The following SPSB3 variants were observed in gnomAD, a reference collection of about 807,000 sequenced individuals.
The protein encoded by SPSB3 is splA/ryanodine receptor domain and SOCS box containing 3, also known as SPRY domain-containing SOCS box protein 3.
A neutral mutation model predicts 29.5 loss-of-function variants in SPSB3; 18 were observed. That is an observed-to-expected ratio of 0.61 (90% CI 0.42 to 0.91). The LOEUF (loss-of-function observed/expected upper bound fraction) is 0.91. Ranked by LOEUF, SPSB3 falls within the 40% of genes least tolerant of loss-of-function variation. The probability of loss-of-function intolerance (pLI) is 0.00; values close to 1 mark genes in which losing one functional copy is unlikely to be tolerated. For missense variants in SPSB3, 540 were observed against 507.5 expected (o/e 1.06, Z -0.61); for synonymous variants, 299 against 214.1 (o/e 1.40, Z -3.46).
At chr16:1,781,081 C>T (rs375492515) in intron 2 of SPSB3, 1 of 1,242,308 alleles carries the variant, frequency 8.0e-7, no homozygotes, top group Non-Finnish European at 1.1e-6. Context: ...CTGCCAACCT[C>T]TCCATGCACC....
At chr16:1,778,988 C>A (rs1012698223) in intron 2 of SPSB3, 1 of 194,288 alleles carries the variant, frequency 5.1e-6, no homozygotes, top group Non-Finnish European at 1.0e-5. Flanking sequence ...CCACCACCCC[C>A]ACACCAGGCC....
In SPSB3 at chr16:1,777,089, G is replaced by T. The variant is rs1172938002; in HGVS notation, c.*8C>A. 2 of 1,608,840 alleles carry T rather than the reference G, an allele frequency of 1.2e-6. No homozygotes were observed. The highest frequency in any genetic ancestry group is 4.5e-5 in the East Asian group (2 of 44,818). On this transcript the variant is annotated 3_prime_UTR_variant, in exon 7 of 7. Coordinates refer to ENST00000566339, the MANE Select transcript of SPSB3 (RefSeq NM_080861.4). Reference sequence around the variant, plus strand: ...CAGCCCAAGAAGGCAGTTCCACTGGGAAGTCAGTCAGGTCCGGCGGCAGCG... The same window carrying T: ...CAGCCCAAGAAGGCAGTTCCACTGGTAAGTCAGTCAGGTCCGGCGGCAGCG...
rs150183733 is a variant in SPSB3 at position 1,777,853 on chromosome 16, G to A, written c.615C>T (p.Gly205=). 630 of 1,612,608 alleles carry A rather than the reference G, an allele frequency of 3.9e-4. 1 individual carries two copies. The African/African-American group carries it at 6.0e-3, about 15-fold the overall frequency. Residue 205 remains glycine, a synonymous_variant, in exon 6 of 7, where the codon GGC becomes GGT. Coordinates refer to ENST00000566339, the MANE Select transcript of SPSB3 (RefSeq NM_080861.4). ...LSYTGLLHHK[G]DKTSFSSRFG... is the part of the protein sequence containing the mutation. Reference sequence around the variant, plus strand: ...ACCGCGATGAGAAGCTGGTCTTGTCGCCCTTGTGGTGGAGGAGGCCTGGGG... The same window carrying A: ...ACCGCGATGAGAAGCTGGTCTTGTCACCCTTGTGGTGGAGGAGGCCTGGGG...
In SPSB3 at chr16:1,777,397, C is replaced by T; in HGVS notation, c.768G>A (p.Val256=). 1 of 1,584,918 alleles carries T rather than the reference C, an allele frequency of 6.3e-7. No individual in the cohort carries two copies. Among genetic ancestry groups the T allele is most frequent in the Non-Finnish European group, 8.6e-7 (1 of 1,168,576 alleles). The change falls in exon 7 of 7, where the codon GTG becomes GTA. Residue 256 remains valine (V), a synonymous_variant. Coordinates refer to ENST00000566339, the MANE Select transcript of SPSB3 (RefSeq NM_080861.4). ...KLQNKRFYPM[V]CSTAARSSMK... is the part of the protein sequence containing the mutation. ...TGCTGCTCCGGGCCGCCGTGGAGCA[C>T]ACCATCGGGTAGAATCTCTTGTTCT...
intron 1 of SPSB3, chr16:1,781,882 G>A (rs1481127421): frequency 8.8e-6 from 2 of 226,486 alleles, no homozygotes; most frequent in East Asian, 1.3e-4. Context: ...CAGAAGCACC[G>A]TGACCGCTCC....
At position 1,780,887 on chromosome 16, in the gene SPSB3, C is replaced by T. The variant is rs1225817289; in HGVS notation, c.126+471G>A. ...CGTTGGGACTACAGGCACGTGCCACCACGCCTGACACATTTTTTAAATTTT... is the reference window on the plus strand; with the variant it reads ...CGTTGGGACTACAGGCACGTGCCACTACGCCTGACACATTTTTTAAATTTT... On this transcript the variant is annotated intron_variant, in intron 2 of 6. Transcript: ENST00000566339. The T allele has an allele frequency of 3.6e-5, 12 of 332,360 alleles. 1 individual carries two copies. The highest frequency in any genetic ancestry group is 5.3e-5 in the Non-Finnish European group (9 of 169,450). The allele number at this position is 332,360 out of a possible 1,614,324, so 20.6% of individuals were successfully genotyped here. A position where few individuals can be genotyped will look rare whatever the true frequency, so the allele number is the denominator to read the frequency against.
rs1160347826 is a variant in SPSB3 at position 1,777,182 on chromosome 16, A to G, written c.983T>C (p.Val328Ala). 6.2e-7 allele frequency: 1 copy of G among 1,610,938 alleles called. No homozygotes were observed. Among genetic ancestry groups the G allele is most frequent in the Admixed American group, 1.7e-5 (1 of 60,020 alleles). ...SMSCSRRKAP[V>A]SDPQAATSAH... ...GGAGGTCGCTGCCTGGGGATCGGACACTGGAGCCTTGCGGCGGCTGCAACT... is the reference window on the plus strand; with the variant it reads ...GGAGGTCGCTGCCTGGGGATCGGACGCTGGAGCCTTGCGGCGGCTGCAACT... Residue 328 changes from valine to alanine, a missense_variant, in exon 7 of 7, where the codon GTG becomes GCG. Physicochemically the swap from Val to Ala is moderately conservative, Grantham distance 64 (BLOSUM62 0). Coordinates refer to ENST00000566339, the MANE Select transcript of SPSB3 (RefSeq NM_080861.4).
Position 1,780,917 on chromosome 16 carries a change from G to C in SPSB3, c.126+441C>G, listed in dbSNP as rs1005381353. 12 of 331,748 alleles carry C rather than the reference G, an allele frequency of 3.6e-5. No individual in the cohort carries two copies. In the East Asian group the frequency reaches 8.2e-4, roughly 23 times the overall value. 20.6% of individuals were successfully genotyped at this position (331,748 alleles called of 1,614,324 possible). On this transcript the variant is annotated intron_variant, in intron 2 of 6. Coordinates refer to ENST00000566339, the MANE Select transcript of SPSB3 (RefSeq NM_080861.4). ...CTGACACATTTTTTAAATTTTTGTA[G>C]AGACAGTGTTTCACCATGTTGCCCA...
chr16:1,781,307 G>T, intron 2 of SPSB3, 51 bp downstream of exon 2: 1 of 1,612,630 alleles, frequency 6.2e-7, no homozygotes, highest in South Asian at 1.1e-5. Context: ...CCTGCCTAGG[G>T]CATCTCCACA....
At chr16:1,780,486 A>T (rs994385043) in intron 2 of SPSB3, 8 of 152,444 alleles carry the variant, frequency 5.2e-5, no homozygotes, top group African/African-American at 1.9e-4. Context: ...AGCATGTCAG[A>T]TCACCTGGGC....
Position 1,782,528 on chromosome 16 carries a change from G to A in SPSB3, c.-39C>T, listed in dbSNP as rs2272974. 8.0e-3 allele frequency: 1,226 copies of A among 153,466 alleles called. 46 individuals carry two copies. In the East Asian group the frequency reaches 0.12, roughly 15 times the overall value. 9.5% of individuals were successfully genotyped at this position (153,466 alleles called of 1,614,324 possible). A position where few individuals can be genotyped will look rare whatever the true frequency, so the allele number is the denominator to read the frequency against. ...TGCAGCCCCCGCTGCGCGCTCCGCC[G>A]GCCCGGCCCTGACCCACTTTCCGCC... On this transcript the variant is annotated 5_prime_UTR_variant, in exon 1 of 7. Coordinates refer to ENST00000566339, the MANE Select transcript of SPSB3 (RefSeq NM_080861.4).
Position 1,776,975 on chromosome 16 carries a change from C to T in SPSB3, c.*122G>A. On this transcript the variant is annotated 3_prime_UTR_variant, in exon 7 of 7. Coordinates refer to ENST00000566339, the MANE Select transcript of SPSB3 (RefSeq NM_080861.4). ...CCAGCCTCGGGAGCAAGAGATGGCT[C>T]CCTCCGGACGGGCCTCATCCAACTC... 8.8e-7 allele frequency: 1 copy of T among 1,133,332 alleles called. No individual in the cohort carries two copies. Among genetic ancestry groups the T allele is most frequent in the South Asian group, 1.5e-5 (1 of 65,572 alleles). 70.2% of individuals were successfully genotyped at this position (1,133,332 alleles called of 1,614,324 possible).
intron 2 of SPSB3, chr16:1,779,000 A>G (rs1038452835): frequency 3.2e-5 from 6 of 187,324 alleles, no homozygotes; most frequent in South Asian, 1.4e-4. Flanking sequence ...CACCAGGCCC[A>G]GCTGCAGCCA....
intron 2 of SPSB3, chr16:1,778,877 T>C (rs1412311453): frequency 5.2e-6 from 2 of 387,104 alleles, no homozygotes. Context: ...AAGTGGTTTC[T>C]AGACGGTGGA....
rs780787493 is a variant in SPSB3 at position 1,778,228 on chromosome 16, CAGCTGTACTCCATGTGGA to C, written c.380_397del (p.Phe127_Ser132del). ...GGTGCCCCGGATGGCCGCTGTGCCGCAGCTGTACTCCATGTGGAAGCTGACCTTACGGTTGTCACAGCT... is the reference window on the plus strand; with the variant it reads ...GGTGCCCCGGATGGCCGCTGTGCCGCAGCTGACCTTACGGTTGTCACAGCT... On this transcript the variant is annotated inframe_deletion, in exon 4 of 7. Coordinates refer to ENST00000566339, the MANE Select transcript of SPSB3 (RefSeq NM_080861.4). The C allele has an allele frequency of 6.2e-7, 1 of 1,613,008 alleles. No individual in the cohort carries two copies. The highest frequency in any genetic ancestry group is 1.1e-5 in the South Asian group (1 of 91,084).
At chr16:1,777,917 G>GGCCCC (rs376350333) in intron 5 of SPSB3, 29 bp downstream of exon 5, 37 of 1,611,834 alleles carry the variant, frequency 2.3e-5, no homozygotes, top group Middle Eastern at 1.7e-4. Context: ...CTCCAGGCTC[G>GGCCCC]GCCCCGCCCC....
intron 1 of SPSB3, chr16:1,781,768 G>A: frequency 2.1e-6 from 1 of 483,942 alleles, no homozygotes; most frequent in South Asian, 2.4e-5. Flanking sequence ...TCACGAACCT[G>A]GCTGCCCCGC....
At chr16:1,781,691 T>C (rs1896720196) in intron 1 of SPSB3, 196 bp from the exon 2 acceptor site, 1 of 592,132 alleles carries the variant, frequency 1.7e-6, no homozygotes, top group Non-Finnish European at 3.0e-6. Flanking sequence ...AGGTAGATCC[T>C]GTGAAACGCC....
Position 1,778,983 on chromosome 16 carries a change from AC to A in SPSB3, c.127-372del, listed in dbSNP as rs1402234444. 3.6e-5 allele frequency: 7 copies of A among 193,604 alleles called. No individual in the cohort carries two copies. The Admixed American group carries it at 4.1e-4, about 11-fold the overall frequency. The allele number at this position is 193,604 out of a possible 1,614,324, so 12.0% of individuals were successfully genotyped here. ...GCAGGGGCCCCCAGGCAAGGCCACC[AC>A]CCCCACACCAGGCCCAGCTGCAGCC... On this transcript the variant is annotated intron_variant, in intron 2 of 6. Transcript: ENST00000566339.
Sources: allele counts gnomAD v4.1 joint callset, GRCh38; gene constraint gnomAD v4.1.1; transcripts MANE v1.5; gene names NCBI Gene and HGNC (gene_info 2026-07-23, HGNC 2026-07-21).